LCP2: variants seen among roughly 807,000 people sequenced by gnomAD.
The protein encoded by LCP2 is lymphocyte cytosolic protein 2, also known as 76 kDa tyrosine phosphoprotein.
In LCP2, 29 loss-of-function variants were observed where a neutral mutation model predicts 74.5. That is an observed-to-expected ratio of 0.39 (90% confidence interval 0.29 to 0.53). LCP2 has a LOEUF of 0.53. Among genes scored for constraint, LCP2 ranks in the 20% least tolerant of loss-of-function variants. The probability of loss-of-function intolerance (pLI) is 0.72; values close to 1 mark genes in which losing one functional copy is unlikely to be tolerated. For missense variants in LCP2, 604 were observed against 634.6 expected (o/e 0.95, Z 0.52); for synonymous variants, 228 against 229.5 (o/e 0.99, Z 0.06).
intron 10 of LCP2, among the ~76,000 whole-genome samples, chr5:170,265,139 C>G (rs1350891642): frequency 6.6e-6 from 1 of 152,056 alleles, no homozygotes; most frequent in South Asian, 2.1e-4. Context: ...AGGTGCCCAC[C>G]ACCATGCCTG....
chr5:170,275,827 C>G lies in LCP2; in HGVS notation c.222G>C (p.Lys74Asn). The G allele has an allele frequency of 6.3e-7, 1 of 1,579,654 alleles. No homozygotes were observed. The highest frequency in any genetic ancestry group is 8.6e-7 in the Non-Finnish European group (1 of 1,160,280). Residue 74 changes from lysine to asparagine, a missense_variant, in exon 4 of 21, where the codon AAG (lysine) becomes AAC (asparagine). Lys to Asn is a moderately conservative substitution (Grantham distance 94). Coordinates refer to ENST00000046794, the MANE Select transcript of LCP2 (RefSeq NM_005565.5). Reference protein sequence around the residue: ...ILSKLSQEINKNEERRSIFTR... With the variant: ...ILSKLSQEINNNEERRSIFTR... Reference sequence around the variant, plus strand: ...TGAAGATGCTCCTCCTCTCTTCGTTCTTGTTGATTTCCTGACTTAACTTAC... The same window carrying G: ...TGAAGATGCTCCTCCTCTCTTCGTTGTTGTTGATTTCCTGACTTAACTTAC...
At chr5:170,265,739 T>G (rs1761742590) in intron 10 of LCP2, among the ~76,000 whole-genome samples, 1 of 152,228 alleles carries the variant, frequency 6.6e-6, no homozygotes, top group South Asian at 2.1e-4. Context: ...GAAAGTCATT[T>G]TGTTGACAGA....
intron 2 of LCP2, among the ~76,000 whole-genome samples, chr5:170,292,857 A>G (rs370522716): frequency 5.9e-5 from 9 of 152,222 alleles, no homozygotes; most frequent in South Asian, 2.1e-4. Context: ...GGAGACAGCC[A>G]TATCACATGT....
chr5:170,262,569 T>A, intron 13 of LCP2, 66 bp downstream of exon 13: 2 of 1,241,848 alleles, frequency 1.6e-6, no homozygotes, highest in Non-Finnish European at 2.3e-6. Flanking sequence ...CACTGCAGAG[T>A]CAGCACAGGG....
chr5:170,274,799 A>AC (rs1324847526), intron 5 of LCP2, among the ~76,000 whole-genome samples: 2 of 151,786 alleles, frequency 1.3e-5, no homozygotes, highest in Non-Finnish European at 2.9e-5. Flanking sequence ...ACATGGTGAA[A>AC]CCCCGTCTCT....
At chr5:170,294,533 C>T (rs1313394768) in intron 1 of LCP2, among the ~76,000 whole-genome samples, 1 of 152,208 alleles carries the variant, frequency 6.6e-6, no homozygotes, top group African/African-American at 2.4e-5. Context: ...CTAGGTTCTT[C>T]TCACAAGGGT....
intron 8 of LCP2, 43 bp from the exon 9 acceptor site, chr5:170,267,118 A>T: frequency 6.2e-7 from 1 of 1,600,322 alleles, no homozygotes; most frequent in East Asian, 2.2e-5. Context: ...CCAATACATC[A>T]GCAAGAGCCG....
At chr5:170,289,630 TTTC>T (rs1762245447) in intron 2 of LCP2, among the ~76,000 whole-genome samples, 1 of 97,624 alleles carries the variant, frequency 1.0e-5, no homozygotes, top group African/African-American at 4.5e-5. Flanking sequence ...TCTTTCTTTC[TTTC>T]TTTCTTTCTT....
chr5:170,273,469 T>C (rs315739), intron 6 of LCP2, among the ~76,000 whole-genome samples: 9,646 of 152,192 alleles, frequency 0.063, 998 homozygotes, highest in African/African-American at 0.22. Context: ...CAAGGGACAG[T>C]TTGTTTCTGC....
intron 13 of LCP2, among the ~76,000 whole-genome samples, chr5:170,262,003 A>G (rs189823517): frequency 8.1e-4 from 123 of 152,314 alleles, no homozygotes; most frequent in African/African-American, 3.0e-3. Flanking sequence ...CCTGGTCCTA[A>G]TTTAATCCTC....
chr5:170,294,031 T>G lies in LCP2; in HGVS notation c.79-659A>C, dbSNP rs551030103. On this transcript the variant is annotated intron_variant, in intron 1 of 20. Transcript: ENST00000046794. ...GTGTACCAAGTAGTTAAACTAGTCT[T>G]CAATCATTTAACCCTCACATTTTGC... is the stretch of plus-strand genomic sequence containing the variant. Among the ~76,000 whole-genome samples, 4 of 152,324 alleles carry G rather than the reference T, an allele frequency of 2.6e-5. No individual in the cohort carries two copies. The South Asian group carries it at 8.3e-4, about 32-fold the overall frequency.
At chr5:170,267,403 T>C in intron 8 of LCP2, 2 of 416,040 alleles carry the variant, frequency 4.8e-6, no homozygotes, top group Non-Finnish European at 8.9e-6. Flanking sequence ...CTCAACTCTT[T>C]CCTGTGATCC....
intron 1 of LCP2, among the ~76,000 whole-genome samples, chr5:170,296,272 G>A (rs553859663): frequency 6.6e-6 from 1 of 152,258 alleles, no homozygotes; most frequent in East Asian, 1.9e-4. Flanking sequence ...CTTGCAGAAG[G>A]AAAATAACAG....
intron 19 of LCP2, chr5:170,251,526 A>G (rs1761442653): frequency 2.7e-6 from 1 of 370,670 alleles, no homozygotes; most frequent in South Asian, 2.0e-5. Flanking sequence ...ATCTAATATT[A>G]AAATAGAATT....
intron 16 of LCP2, among the ~76,000 whole-genome samples, chr5:170,257,090 G>A (rs575701334): frequency 6.6e-6 from 1 of 152,254 alleles, no homozygotes; most frequent in East Asian, 1.9e-4. Flanking sequence ...CGGGCCCAGA[G>A]GGCCCTGAAA....
chr5:170,287,911 A>C, intron 3 of LCP2, 59 bp downstream of exon 3: 3 of 1,509,278 alleles, frequency 2.0e-6, no homozygotes, highest in Non-Finnish European at 1.8e-6. Flanking sequence ...CCCCACTCAC[A>C]CTACTCCCCA....
chr5:170,270,730 G>C lies in LCP2; in HGVS notation c.512C>G (p.Ser171Cys), dbSNP rs1421643362. 6.3e-7 allele frequency: 1 copy of C among 1,585,322 alleles called. No homozygotes were observed. Among genetic ancestry groups the C allele is most frequent in the South Asian group, 1.2e-5 (1 of 86,236 alleles). ...LPAKPFPNSNSMYIDRPPSGK... is the reference protein window; with the variant it reads ...LPAKPFPNSNCMYIDRPPSGK... ...AAACGGGCCCTTACCGATGTACATG[G>C]AGTTGGAGTTGGGGAAAGGCTTGGC... Residue 171 changes from serine (S) to cysteine (C), a missense_variant, in exon 7 of 21, where the codon TCC becomes TGC. By Grantham distance (112) the Ser-to-Cys change is moderately radical. Coordinates refer to ENST00000046794, the MANE Select transcript of LCP2 (RefSeq NM_005565.5).
At chr5:170,267,167 C>T in intron 8 of LCP2, 92 bp from the exon 9 acceptor site, 1 of 1,257,860 alleles carries the variant, frequency 8.0e-7, no homozygotes, top group Non-Finnish European at 1.2e-6. Flanking sequence ...CACTTTTCCT[C>T]ATCTTCATGT....
At chr5:170,283,527 C>A (rs1312637725) in intron 3 of LCP2, among the ~76,000 whole-genome samples, 1 of 152,172 alleles carries the variant, frequency 6.6e-6, no homozygotes, top group Non-Finnish European at 1.5e-5. Flanking sequence ...TCTTGGTCAC[C>A]ACCAACTAAC....
Sources: gnomAD v4.1 joint callset for allele counts (sites outside exome capture counted in the v4.1 genomes callset) on GRCh38, gnomAD v4.1.1 for gene constraint, MANE v1.5 for transcripts, NCBI Gene and HGNC (gene_info 2026-07-23, HGNC 2026-07-21) for gene names.